The following SSBP3 variants were observed in gnomAD, a reference collection of about 807,000 sequenced individuals.
SSBP3 encodes the protein single-stranded DNA-binding protein 3.
In SSBP3, 5 loss-of-function variants were observed where a neutral mutation model predicts 69.6. The observed-to-expected ratio is 0.07, with a 90% confidence interval of 0.04 to 0.15. The LOEUF is 0.15. Among genes scored for constraint, SSBP3 ranks in the 10% least tolerant of loss-of-function variants. The pLI is 1.00. For missense variants in SSBP3, 312 were observed against 534.0 expected (o/e 0.58, Z 4.10); for synonymous variants, 196 against 193.4 (o/e 1.01, Z -0.11).
chr1:54,371,956 C>T (rs1435509698), intron 4 of SSBP3, among the ~76,000 whole-genome samples: 2 of 152,176 alleles, frequency 1.3e-5, no homozygotes, highest in East Asian at 3.9e-4. Flanking sequence ...GAACCTCATC[C>T]TTTCACGGAC....
chr1:54,258,102 G>T lies in SSBP3; in HGVS notation c.414C>A (p.His138Gln). 1 of 1,599,340 alleles carries T rather than the reference G, an allele frequency of 6.3e-7. No homozygotes were observed. Among genetic ancestry groups the T allele is most frequent in the Non-Finnish European group, 8.5e-7 (1 of 1,174,374 alleles). Reference sequence around the variant, plus strand: ...GGGGTCCCATCATGCTGCTAGGATTGTGAGGTGGAGGCTGTGCGTGCGGCG... The same window carrying T: ...GGGGTCCCATCATGCTGCTAGGATTTTGAGGTGGAGGCTGTGCGTGCGGCG... The change falls in exon 6 of 18, where the codon CAC becomes CAA. Residue 138 changes from histidine to glutamine, a missense_variant. Physicochemically the swap from His to Gln is conservative, Grantham distance 24. Coordinates refer to ENST00000610401, the Ensembl canonical transcript of SSBP3. This position sits in a 1 kb window ranked among gnomAD's most constrained non-coding sequence, Gnocchi z 4.5.
chr1:54,305,806 C>G (rs1266343213), intron 4 of SSBP3, among the ~76,000 whole-genome samples: 1 of 149,760 alleles, frequency 6.7e-6, no homozygotes, highest in Non-Finnish European at 1.5e-5. Context: ...AAGAAACTCT[C>G]GCTTGGATTT....
At chr1:54,402,670 C>G (rs751256405) in intron 3 of SSBP3, among the ~76,000 whole-genome samples, 18 of 152,130 alleles carry the variant, frequency 1.2e-4, no homozygotes, top group Non-Finnish European at 2.1e-4. Context: ...AGAGGGCCCT[C>G]TTCACAGAAG....
chr1:54,369,007 C>A (rs1461987400), intron 4 of SSBP3, among the ~76,000 whole-genome samples: 4 of 152,166 alleles, frequency 2.6e-5, no homozygotes, highest in Non-Finnish European at 4.4e-5. Context: ...ATTCACAGCA[C>A]CACACTCCCC....
intron 14 of SSBP3, among the ~76,000 whole-genome samples, chr1:54,229,888 A>G (rs1644352662): frequency 6.6e-6 from 1 of 152,176 alleles, no homozygotes; most frequent in Non-Finnish European, 1.5e-5. Context: ...ACAGGAGGAC[A>G]GAGATGCTGA....
At chr1:54,351,146 A>T (rs1236990017) in intron 4 of SSBP3, among the ~76,000 whole-genome samples, 4 of 152,156 alleles carry the variant, frequency 2.6e-5, no homozygotes, top group African/African-American at 9.7e-5. Flanking sequence ...ATTTTTTATA[A>T]TGAGAATTTT....
intron 4 of SSBP3, among the ~76,000 whole-genome samples, chr1:54,349,820 C>A (rs58330544): frequency 0.048 from 7,232 of 152,084 alleles, 330 homozygotes; most frequent in East Asian, 0.15. Context: ...TAACTTTCCT[C>A]TCCTCTCCTC....
chr1:54,360,482 G>GAAAA (rs1166075252), intron 4 of SSBP3, among the ~76,000 whole-genome samples: 6 of 152,136 alleles, frequency 3.9e-5, no homozygotes, highest in African/African-American at 1.4e-4. Flanking sequence ...AACAGCGCTG[G>GAAAA]AAGGGGCTCA....
rs1644716518 is a variant in SSBP3, at chr1:54,245,427, G to C, written c.652-2128C>G. ...GAAACTGGCGGGAGGCGGGTGGGAAGGGGGACAGAATGGGAAGATGGAGAC... is the reference window on the plus strand; with the variant it reads ...GAAACTGGCGGGAGGCGGGTGGGAACGGGGACAGAATGGGAAGATGGAGAC... On this transcript the variant is annotated intron_variant, in intron 9 of 17. Coordinates refer to ENST00000610401, the Ensembl canonical transcript of SSBP3. Among the ~76,000 whole-genome samples the C allele has an allele frequency of 2.0e-5, 3 of 152,228 alleles. No homozygotes were observed. In the South Asian group the frequency reaches 6.2e-4, roughly 31 times the overall value.
chr1:54,300,146 C>T (rs934142122), intron 4 of SSBP3, among the ~76,000 whole-genome samples: 2 of 152,146 alleles, frequency 1.3e-5, no homozygotes, highest in African/African-American at 2.4e-5. Flanking sequence ...CAGTGCTGGA[C>T]TCGTGGCTGG....
intron 4 of SSBP3, among the ~76,000 whole-genome samples, chr1:54,324,014 T>C (rs1159953113): frequency 6.6e-6 from 1 of 152,192 alleles, no homozygotes; most frequent in African/African-American, 2.4e-5. Flanking sequence ...TCTCATTTAA[T>C]CCTCAAGCAT....
At chr1:54,332,420 A>C (rs544499960) in intron 4 of SSBP3, among the ~76,000 whole-genome samples, 124 of 152,286 alleles carry the variant, frequency 8.1e-4, no homozygotes, top group African/African-American at 2.8e-3. Context: ...AGGAGACCTG[A>C]GTCTAGTCCC....
intron 4 of SSBP3, among the ~76,000 whole-genome samples, chr1:54,293,048 G>A (rs542029357): frequency 2.6e-5 from 4 of 152,210 alleles, no homozygotes; most frequent in Admixed American, 6.5e-5. Context: ...GAACCAACCT[G>A]CTTCTGACCA....
intron 4 of SSBP3, among the ~76,000 whole-genome samples, chr1:54,376,688 C>T (rs1647249768): frequency 6.6e-6 from 1 of 152,166 alleles, no homozygotes; most frequent in Non-Finnish European, 1.5e-5. Flanking sequence ...TTTCAAATTA[C>T]ATCAAACATC....
intron 1 of SSBP3, among the ~76,000 whole-genome samples, chr1:54,411,615 G>A (rs1465871314): frequency 3.3e-5 from 5 of 151,940 alleles, no homozygotes; most frequent in African/African-American, 7.3e-5. Flanking sequence ...GAAGGCTGCC[G>A]GGCGCGGTGG....
chr1:54,242,830 ACAC>A (rs1424500358), intron 10 of SSBP3: 2 of 170,816 alleles, frequency 1.2e-5, no homozygotes, highest in Non-Finnish European at 2.5e-5. Flanking sequence ...GGAGCCTGTA[ACAC>A]CAGCTACTCA....
chr1:54,340,633 T>C (rs1569865764), intron 4 of SSBP3, among the ~76,000 whole-genome samples: 1 of 152,250 alleles, frequency 6.6e-6, no homozygotes, highest in Non-Finnish European at 1.5e-5. Flanking sequence ...TCACCCTCGG[T>C]ACCTTTCCAG....
Position 54,404,841 on chromosome 1 carries a change from G to C in SSBP3, c.129+17C>G, listed in dbSNP as rs759681829. Reference sequence around the variant, plus strand: ...GGGGGTGTCAAGAAATTGGATGCTGGGGGGAGTCCCACTCACCTCCGATAA... The same window carrying C: ...GGGGGTGTCAAGAAATTGGATGCTGCGGGGAGTCCCACTCACCTCCGATAA... On this transcript the variant is annotated intron_variant, in intron 2 of 17. Transcript: ENST00000610401. The C allele has an allele frequency of 3.1e-6, 5 of 1,591,262 alleles. No homozygotes were observed. Among genetic ancestry groups the C allele is most frequent in the Admixed American group, 1.7e-5 (1 of 59,540 alleles).
At chr1:54,322,759 G>T (rs1193422607) in intron 4 of SSBP3, among the ~76,000 whole-genome samples, 1 of 152,036 alleles carries the variant, frequency 6.6e-6, no homozygotes, top group African/African-American at 2.4e-5. Flanking sequence ...ACCAACCTAG[G>T]TTCAAGCAAA....
Sources: allele counts gnomAD v4.1 joint callset (sites outside exome capture counted in the v4.1 genomes callset), GRCh38; gene constraint gnomAD v4.1.1; non-coding constraint Gnocchi (gnomAD v3.1); transcripts MANE v1.5; gene names NCBI Gene and HGNC (gene_info 2026-07-23, HGNC 2026-07-21).